Variants in RAPGEF4 observed in about 807,000 individuals in gnomAD.
RAPGEF4 encodes RAP guanine-nucleotide-exchange factor (GEF) 4.
A neutral mutation model predicts 147.9 loss-of-function variants in RAPGEF4; 66 were observed. That is an observed-to-expected ratio of 0.45 (90% CI 0.37 to 0.55). The LOEUF (loss-of-function observed/expected upper bound fraction) is 0.55. Among genes scored for constraint, RAPGEF4 ranks in the 20% least tolerant of loss-of-function variants. RAPGEF4 has a pLI of 0.00. For synonymous variants in RAPGEF4, 419 were observed against 442.7 expected, an observed-to-expected ratio of 0.95 and a Z score of 0.67; for missense variants, 1,071 against 1,257.3, an observed-to-expected ratio of 0.85 and a Z score of 2.24.
intron 3 of RAPGEF4, among the ~76,000 whole-genome samples, chr2:172,803,043 G>A (rs1229547382): frequency 6.6e-6 from 1 of 152,116 alleles, no homozygotes; most frequent in Non-Finnish European, 1.5e-5. Context: ...CTCCCTTCTG[G>A]TTGCTTTCAT....
At chr2:172,995,730 G>A (rs910453399) in intron 15 of RAPGEF4, among the ~76,000 whole-genome samples, 1 of 152,276 alleles carries the variant, frequency 6.6e-6, no homozygotes, top group African/African-American at 2.4e-5. Context: ...TTTTGAAACA[G>A]TTCACATGCA....
At chr2:172,842,321 G>T (rs1327262454) in intron 4 of RAPGEF4, among the ~76,000 whole-genome samples, 1 of 152,184 alleles carries the variant, frequency 6.6e-6, no homozygotes, top group East Asian at 1.9e-4. Flanking sequence ...GGCTTTGACA[G>T]GTGGATTGGA....
At chr2:172,744,384 A>C (rs754782349) in intron 1 of RAPGEF4, 1 of 456,268 alleles carries the variant, frequency 2.2e-6, no homozygotes, top group Non-Finnish European at 4.4e-6. Context: ...TCACATCTTC[A>C]AATGAGATTC....
chr2:172,851,559 G>T (rs1300963909), intron 4 of RAPGEF4, among the ~76,000 whole-genome samples: 2 of 152,084 alleles, frequency 1.3e-5, no homozygotes, highest in East Asian at 3.9e-4. Context: ...GCCCATCAAA[G>T]ATAGACTGGA....
intron 15 of RAPGEF4, among the ~76,000 whole-genome samples, 189 bp downstream of exon 15, chr2:172,991,114 G>A (rs148924699): frequency 4.2e-4 from 64 of 152,240 alleles, no homozygotes; most frequent in African/African-American, 1.3e-3. Context: ...GCATTGAGCC[G>A]GGTGCTGCCT....
intron 1 of RAPGEF4, among the ~76,000 whole-genome samples, chr2:172,746,541 T>G (rs940527211): frequency 2.0e-5 from 3 of 152,232 alleles, no homozygotes; most frequent in African/African-American, 7.2e-5. Flanking sequence ...CTAAAAACAC[T>G]TTTATTGAAT....
intron 29 of RAPGEF4, among the ~76,000 whole-genome samples, chr2:173,041,421 A>G (rs3754749): frequency 0.19 from 29,658 of 152,120 alleles, 2,962 homozygotes; most frequent in South Asian, 0.28. Flanking sequence ...GTATGCTTCA[A>G]AACAACATAA....
intron 4 of RAPGEF4, among the ~76,000 whole-genome samples, chr2:172,819,461 CTTT>C (rs1242605865): frequency 1.6e-4 from 14 of 87,004 alleles, no homozygotes; most frequent in Non-Finnish European, 2.5e-4. Flanking sequence ...ATTTTTAGTT[CTTT>C]TTTTTTTTTT....
chr2:172,811,720 T>C (rs772906041), intron 3 of RAPGEF4, among the ~76,000 whole-genome samples: 14 of 152,214 alleles, frequency 9.2e-5, no homozygotes, highest in Non-Finnish European at 1.5e-4. Context: ...GATGTTAGTG[T>C]GGATATCTAA....
chr2:173,046,171 G>C (rs1405406202), intron 29 of RAPGEF4, among the ~76,000 whole-genome samples: 1 of 152,080 alleles, frequency 6.6e-6, no homozygotes, highest in Non-Finnish European at 1.5e-5. Flanking sequence ...TTATCTTTGA[G>C]AACAATTAAA....
At chr2:172,944,589 G>T (rs1449731257) in intron 6 of RAPGEF4, among the ~76,000 whole-genome samples, 1 of 152,126 alleles carries the variant, frequency 6.6e-6, no homozygotes, top group African/African-American at 2.4e-5. Context: ...GAAGCAGATG[G>T]GATTGAGATA....
intron 1 of RAPGEF4, among the ~76,000 whole-genome samples, chr2:172,773,179 A>G (rs550920476): frequency 3.3e-5 from 5 of 152,354 alleles, no homozygotes; most frequent in African/African-American, 4.8e-5. Context: ...ACTGGATAAT[A>G]TGATTTATTA....
chr2:172,962,013 T>C lies in RAPGEF4; in HGVS notation c.698+785T>C, dbSNP rs370812241. On this transcript the variant is annotated intron_variant, in intron 8 of 30. Coordinates refer to ENST00000397081, the MANE Select transcript of RAPGEF4 (RefSeq NM_007023.4). ...CACTGGAGTTAAGAAATGACAGAGA[T>C]AAAGGCAGAGATTTCATGGTTAGCT... Among the ~76,000 whole-genome samples the C allele has an allele frequency of 8.5e-5, 13 of 152,316 alleles. 1 individual carries two copies. The highest frequency in any genetic ancestry group is 3.1e-4 in the African/African-American group (13 of 41,560).
intron 1 of RAPGEF4, among the ~76,000 whole-genome samples, chr2:172,790,454 G>A (rs1685691448): frequency 1.3e-5 from 2 of 152,166 alleles, no homozygotes; most frequent in Admixed American, 1.3e-4. Flanking sequence ...TGTACTTGGA[G>A]CTTTTGCTTG....
At chr2:172,971,687 T>C (rs1191529121) in intron 10 of RAPGEF4, among the ~76,000 whole-genome samples, 2 of 152,144 alleles carry the variant, frequency 1.3e-5, no homozygotes, top group Admixed American at 1.3e-4. Flanking sequence ...GATGGGAAAG[T>C]GAAAAGTAAG....
At chr2:172,844,086 A>G (rs138008754) in intron 4 of RAPGEF4, among the ~76,000 whole-genome samples, 10 of 152,362 alleles carry the variant, frequency 6.6e-5, no homozygotes, top group Non-Finnish European at 1.3e-4. Flanking sequence ...GGCATTTGCA[A>G]TTGACATATA....
At chr2:173,044,269 G>A (rs952807231) in intron 29 of RAPGEF4, among the ~76,000 whole-genome samples, 2 of 128,652 alleles carry the variant, frequency 1.6e-5, no homozygotes, top group Non-Finnish European at 3.2e-5. Flanking sequence ...CATGGCGCCG[G>A]GGGGCGGGAG....
At chr2:172,801,402 A>G (rs1686963008) in intron 3 of RAPGEF4, among the ~76,000 whole-genome samples, 1 of 152,166 alleles carries the variant, frequency 6.6e-6, no homozygotes, top group Admixed American at 6.5e-5. Flanking sequence ...CTGCTTTCTC[A>G]TCTGAGAGCC....
chr2:172,857,787 G>A (rs1275112731), intron 4 of RAPGEF4, among the ~76,000 whole-genome samples: 1 of 151,474 alleles, frequency 6.6e-6, no homozygotes, highest in East Asian at 1.9e-4. Context: ...GACTGAGGTG[G>A]CGAAGATCAC....
Sources: gnomAD v4.1 joint callset for allele counts (sites outside exome capture counted in the v4.1 genomes callset) on GRCh38, gnomAD v4.1.1 for gene constraint, MANE v1.5 for transcripts, NCBI Gene and HGNC (gene_info 2026-07-23, HGNC 2026-07-21) for gene names.